PPP1R12A: variants seen among roughly 807,000 people sequenced by gnomAD.
PPP1R12A encodes protein phosphatase 1 regulatory subunit 12A.
A neutral mutation model predicts 139.6 loss-of-function variants in PPP1R12A; 19 were observed. That is an observed-to-expected ratio of 0.14 (90% CI 0.09 to 0.20). PPP1R12A has a LOEUF of 0.20. Among genes scored for constraint, PPP1R12A ranks in the 10% least tolerant of loss-of-function variants. The pLI, the probability that PPP1R12A is intolerant of heterozygous loss-of-function variation, is 1.00. For missense variants in PPP1R12A, 925 were observed against 1,211.5 expected (o/e 0.76, Z 3.51); for synonymous variants, 427 against 420.6 (o/e 1.02, Z -0.19).
At chr12:79,788,931 A>G (rs1461157876) in intron 20 of PPP1R12A, 148 bp from the exon 21 acceptor site, 1 of 695,044 alleles carries the variant, frequency 1.4e-6, no homozygotes, top group African/African-American at 1.8e-5. Flanking sequence ...GATATATAAT[A>G]AGTGGGAAGT....
Position 79,774,854 on chromosome 12 carries a change from C to CTT in PPP1R12A, c.*1073_*1074dup, listed in dbSNP as rs1869568443. 6.6e-6 allele frequency: 1 copy of CTT among 152,352 alleles called. No individual in the cohort carries two copies. The highest frequency in any genetic ancestry group is 2.4e-5 in the African/African-American group (1 of 41,406). 9.4% of individuals were successfully genotyped at this position (152,352 alleles called of 1,614,324 possible). A position where few individuals can be genotyped will look rare whatever the true frequency, so the allele number is the denominator to read the frequency against. ...AATGTAAAGCAATTATCTTATGCAA[C>CTT]TTTAATTATGGTTGAGTACTATCAA... On this transcript the variant is annotated 3_prime_UTR_variant, in exon 25 of 25. Coordinates refer to ENST00000450142, the MANE Select transcript of PPP1R12A (RefSeq NM_002480.3).
chr12:79,845,518 A>G, intron 2 of PPP1R12A, 98 bp from the exon 3 acceptor site: 2 of 842,018 alleles, frequency 2.4e-6, no homozygotes, highest in Admixed American at 5.0e-5. Flanking sequence ...TAAAGCAGCA[A>G]TAAAGGGCAG....
chr12:79,874,938 G>C (rs1882957268), intron 1 of PPP1R12A, among the ~76,000 whole-genome samples: 2 of 152,108 alleles, frequency 1.3e-5, no homozygotes, highest in Admixed American at 6.6e-5. Flanking sequence ...TCTGCCCCCA[G>C]ATCTAAGCAT....
chr12:79,908,912 G>T (rs1886334701), intron 1 of PPP1R12A, among the ~76,000 whole-genome samples: 1 of 152,178 alleles, frequency 6.6e-6, no homozygotes, highest in South Asian at 2.1e-4. Flanking sequence ...TAAGACCTTG[G>T]TGTACCCTGG....
chr12:79,778,713 T>A, intron 23 of PPP1R12A, 113 bp from the exon 24 acceptor site: 2 of 672,530 alleles, frequency 3.0e-6, no homozygotes, highest in South Asian at 4.3e-5. Flanking sequence ...AGGAGCAGTG[T>A]AGAAAAGATG....
At chr12:79,777,376 C>T (rs1468892114) in intron 24 of PPP1R12A, 4 of 984,358 alleles carry the variant, frequency 4.1e-6, no homozygotes, top group Non-Finnish European at 4.8e-6. Context: ...TTCTAACATT[C>T]TAAGAAGCCA....
rs1888554465 is a variant in PPP1R12A, at chr12:79,934,952, C to T, written c.-21G>A. On this transcript the variant is annotated 5_prime_UTR_variant, in exon 1 of 25. Transcript: ENST00000450142. ...TTCATCCCCTCTCCTGCCGCCGGGT[C>T]TTCTTATCGCGAGGGGGGGAAGGGG... is the stretch of plus-strand genomic sequence containing the variant. 1 of 1,563,968 alleles carries T rather than the reference C, an allele frequency of 6.4e-7. No individual in the cohort carries two copies. Among genetic ancestry groups the T allele is most frequent in the South Asian group, 1.2e-5 (1 of 85,104 alleles).
At position 79,821,140 on chromosome 12, in the gene PPP1R12A, T is replaced by C. The variant is rs867910637; in HGVS notation, c.894A>G (p.Lys298=). The change falls in exon 7 of 25, where the codon AAA becomes AAG. Residue 298 remains lysine, a synonymous_variant. Transcript: ENST00000450142. Reference sequence around the variant, plus strand: ...TTGCTGTTGATTCAATTAGTGGAGATTTCTTGTCCCGTTTTTCACTATGGA... The same window carrying C: ...TTGCTGTTGATTCAATTAGTGGAGACTTCTTGTCCCGTTTTTCACTATGGA... ...NLLHSEKRDK[K]SPLIESTANM... 1.2e-6 allele frequency: 2 copies of C among 1,613,006 alleles called. No homozygotes were observed. The highest frequency in any genetic ancestry group is 1.3e-5 in the African/African-American group (1 of 74,888).
At chr12:79,809,234 C>CA (rs1035403452) in intron 10 of PPP1R12A, among the ~76,000 whole-genome samples, 7 of 151,236 alleles carry the variant, frequency 4.6e-5, no homozygotes, top group South Asian at 2.1e-4. Flanking sequence ...ACTGTATGGG[C>CA]AAAAAAAATA....
At chr12:79,802,473 G>A (rs748560166) in intron 14 of PPP1R12A, among the ~76,000 whole-genome samples, 8 of 152,128 alleles carry the variant, frequency 5.3e-5, no homozygotes, top group Admixed American at 1.3e-4. Context: ...AAATGTGATC[G>A]TTAATCTGGT....
chr12:79,805,043 A>G (rs1434878875), intron 14 of PPP1R12A, among the ~76,000 whole-genome samples: 3 of 152,238 alleles, frequency 2.0e-5, no homozygotes, highest in East Asian at 1.9e-4. Context: ...AAAAATCTGA[A>G]TAAGTGCTTT....
At chr12:79,927,248 T>C (rs559324095) in intron 1 of PPP1R12A, among the ~76,000 whole-genome samples, 2 of 151,938 alleles carry the variant, frequency 1.3e-5, no homozygotes, top group Non-Finnish European at 2.9e-5. Flanking sequence ...ACGATATAAA[T>C]TGCTATTAGG....
intron 1 of PPP1R12A, among the ~76,000 whole-genome samples, chr12:79,908,685 T>A (rs1304405623): frequency 6.6e-6 from 1 of 152,230 alleles, no homozygotes. Context: ...TTTAAAGAAG[T>A]TAATGGAAAT....
chr12:79,862,747 G>A (rs1881486912), intron 2 of PPP1R12A, among the ~76,000 whole-genome samples: 1 of 151,920 alleles, frequency 6.6e-6, no homozygotes, highest in African/African-American at 2.4e-5. Flanking sequence ...ATGAAATAAA[G>A]GAAAAAGAGA....
At position 79,832,561 on chromosome 12, in the gene PPP1R12A, C is replaced by A. The variant is rs1592684335; in HGVS notation, c.488-70G>T. 7.3e-6 allele frequency: 10 copies of A among 1,364,000 alleles called. No individual in the cohort carries two copies. In the East Asian group the frequency reaches 2.2e-4, roughly 30 times the overall value. 84.5% of individuals were successfully genotyped at this position (1,364,000 alleles called of 1,614,324 possible). ...TTCCATGTTGGGAAATAAAACTATC[C>A]AAAACATGTCAAGTTTAAATAAAAT... is the stretch of plus-strand genomic sequence containing the variant. On this transcript the variant is annotated intron_variant, in intron 3 of 24. Transcript: ENST00000450142.
chr12:79,910,169 C>T (rs1886451272), intron 1 of PPP1R12A, among the ~76,000 whole-genome samples: 1 of 151,958 alleles, frequency 6.6e-6, no homozygotes, highest in African/African-American at 2.4e-5. Context: ...GATGGGATAA[C>T]TACAATATCT....
intron 1 of PPP1R12A, among the ~76,000 whole-genome samples, chr12:79,900,953 T>C (rs1343630829): frequency 6.6e-6 from 1 of 152,172 alleles, no homozygotes; most frequent in African/African-American, 2.4e-5. Context: ...GAATCCTTCA[T>C]ACCATTAAAC....
intron 1 of PPP1R12A, among the ~76,000 whole-genome samples, chr12:79,880,199 T>C (rs1175904214): frequency 1.3e-5 from 2 of 152,120 alleles, no homozygotes; most frequent in Admixed American, 6.6e-5. Flanking sequence ...AGGGCCATAA[T>C]AGCAGTGGGT....
chr12:79,830,150 C>T (rs1440998745), intron 4 of PPP1R12A, among the ~76,000 whole-genome samples: 1 of 151,888 alleles, frequency 6.6e-6, no homozygotes, highest in African/African-American at 2.4e-5. Context: ...ACTCTCTCAC[C>T]GCTGACTTTT....
Sources: allele counts gnomAD v4.1 joint callset (sites outside exome capture counted in the v4.1 genomes callset), GRCh38; gene constraint gnomAD v4.1.1; transcripts MANE v1.5; gene names NCBI Gene and HGNC (gene_info 2026-07-23, HGNC 2026-07-21).